The following ETV6 variants were observed in gnomAD, a reference collection of about 807,000 sequenced individuals.
The protein encoded by ETV6 is transcription factor ETV6.
Under a neutral mutation model 51.1 loss-of-function variants are expected in ETV6, and 16 were observed. The ratio of observed to expected loss-of-function variants is 0.31; its 90% CI spans 0.21 to 0.48. The LOEUF is 0.48. Among genes scored for constraint, ETV6 ranks in the 20% least tolerant of loss-of-function variants. The probability of loss-of-function intolerance (pLI) is 0.99; values close to 1 mark genes in which losing one functional copy is unlikely to be tolerated. For missense variants in ETV6, 458 were observed against 594.8 expected (o/e 0.77, Z 2.39); for synonymous variants, 240 against 224.1 (o/e 1.07, Z -0.64).
At chr12:11,877,794 A>G (rs1316845928) in intron 5 of ETV6, among the ~76,000 whole-genome samples, 1 of 152,184 alleles carries the variant, frequency 6.6e-6, no homozygotes, top group Admixed American at 6.5e-5. Context: ...TTCTTTCCTT[A>G]TCTGTAATAT....
chr12:11,865,321 C>T (rs1051634060), intron 4 of ETV6, among the ~76,000 whole-genome samples: 1 of 151,464 alleles, frequency 6.6e-6, no homozygotes, highest in Non-Finnish European at 1.5e-5. Context: ...ATAGAACCAT[C>T]ATATCACTTG....
At chr12:11,887,762 A>G (rs996750164) in intron 7 of ETV6, among the ~76,000 whole-genome samples, 4 of 151,698 alleles carry the variant, frequency 2.6e-5, no homozygotes, top group Non-Finnish European at 5.9e-5. Flanking sequence ...AAAAAAAAAA[A>G]AAAGAAAAGA....
At chr12:11,660,152 G>A (rs1864073565) in intron 1 of ETV6, among the ~76,000 whole-genome samples, 1 of 152,112 alleles carries the variant, frequency 6.6e-6, no homozygotes, top group African/African-American at 2.4e-5. Flanking sequence ...ATATCAAAAT[G>A]TCACATGTAC....
At chr12:11,742,902 G>GAAA (rs1270796357) in intron 1 of ETV6, among the ~76,000 whole-genome samples, 2 of 150,644 alleles carry the variant, frequency 1.3e-5, no homozygotes, top group African/African-American at 4.9e-5. Context: ...AACCTCCTGG[G>GAAA]CTCAAGTGAT....
intron 1 of ETV6, among the ~76,000 whole-genome samples, chr12:11,661,091 G>A (rs1864094024): frequency 2.0e-5 from 3 of 152,204 alleles, no homozygotes; most frequent in Admixed American, 2.0e-4. Flanking sequence ...CTGGGCTCAA[G>A]TGATCCTCCT....
At chr12:11,881,859 G>A (rs961921291) in intron 5 of ETV6, among the ~76,000 whole-genome samples, 4 of 152,184 alleles carry the variant, frequency 2.6e-5, no homozygotes, top group Non-Finnish European at 2.9e-5. Context: ...CCTGTAAAAC[G>A]AGCTAGATTA....
At chr12:11,722,359 CTG>C (rs1487804025) in intron 1 of ETV6, among the ~76,000 whole-genome samples, 1 of 152,198 alleles carries the variant, frequency 6.6e-6, no homozygotes, top group Non-Finnish European at 1.5e-5. Context: ...AATCCACAAA[CTG>C]TAATCGCTTT....
At chr12:11,876,310 T>A (rs1424454662) in intron 5 of ETV6, among the ~76,000 whole-genome samples, 4 of 152,216 alleles carry the variant, frequency 2.6e-5, no homozygotes, top group Non-Finnish European at 5.9e-5. Context: ...TTATTGCCAG[T>A]CTGCTCATGT....
chr12:11,681,052 A>C (rs111625209), intron 1 of ETV6, among the ~76,000 whole-genome samples: 243 of 152,280 alleles, frequency 1.6e-3, no homozygotes, highest in Middle Eastern at 0.01. Flanking sequence ...GCCATTTTCT[A>C]TGGAAGCCTC....
At chr12:11,728,650 G>T (rs1486315839) in intron 1 of ETV6, among the ~76,000 whole-genome samples, 1 of 152,026 alleles carries the variant, frequency 6.6e-6, no homozygotes, top group East Asian at 1.9e-4. Context: ...AAAAAAAAAG[G>T]TCCATTTACT....
Position 11,869,485 on chromosome 12 carries a change from C to A in ETV6, c.525C>A (p.Thr175=). The change falls in exon 5 of 8, where the codon ACC becomes ACA. Residue 175 remains threonine, a synonymous_variant. Coordinates refer to ENST00000396373, the MANE Select transcript of ETV6 (RefSeq NM_001987.5). The surrounding 1 kb of genome is among the most constrained non-coding windows in gnomAD (Gnocchi z 5.0). ...SVDNVHHNPP[T]IELLHRSRSP... ...ATAATGTGCACCATAACCCTCCCACCATTGAACTGTTGCACCGCTCCAGGT... is the reference window on the plus strand; with the variant it reads ...ATAATGTGCACCATAACCCTCCCACAATTGAACTGTTGCACCGCTCCAGGT... 1 of 1,614,106 alleles carries A rather than the reference C, an allele frequency of 6.2e-7. No homozygotes were observed. The highest frequency in any genetic ancestry group is 2.2e-5 in the East Asian group (1 of 44,874).
chr12:11,803,147 C>G (rs192784049), intron 2 of ETV6, among the ~76,000 whole-genome samples: 1 of 152,262 alleles, frequency 6.6e-6, no homozygotes, highest in Admixed American at 6.5e-5. Context: ...AAATTTCTGC[C>G]CCAGCTTGGT....
intron 2 of ETV6, among the ~76,000 whole-genome samples, chr12:11,795,493 G>A (rs1469113573): frequency 6.6e-6 from 1 of 152,238 alleles, no homozygotes; most frequent in African/African-American, 2.4e-5. Flanking sequence ...AACAATTTCA[G>A]TCATCATTGG....
intron 2 of ETV6, among the ~76,000 whole-genome samples, chr12:11,809,472 A>G (rs1301718616): frequency 2.0e-5 from 3 of 152,242 alleles, no homozygotes; most frequent in Non-Finnish European, 4.4e-5. Flanking sequence ...TGGATAGTCC[A>G]GAATAATGGA....
intron 2 of ETV6, among the ~76,000 whole-genome samples, chr12:11,796,910 C>G (rs899107071): frequency 2.0e-5 from 3 of 152,058 alleles, no homozygotes; most frequent in African/African-American, 4.8e-5. Context: ...CCTGAGCTTC[C>G]CATGTATGTG....
intron 5 of ETV6, among the ~76,000 whole-genome samples, chr12:11,870,796 G>A (rs1428846840): frequency 1.3e-5 from 2 of 152,224 alleles, no homozygotes; most frequent in African/African-American, 4.8e-5. Flanking sequence ...TATAGTGGGA[G>A]AGACAAAGGT....
At chr12:11,778,707 C>A (rs1945370512) in intron 2 of ETV6, among the ~76,000 whole-genome samples, 1 of 152,074 alleles carries the variant, frequency 6.6e-6, no homozygotes, top group Non-Finnish European at 1.5e-5. Context: ...AAAAAAAAAT[C>A]ACTCTTCTTT....
chr12:11,750,095 T>A (rs955616183), intron 1 of ETV6, among the ~76,000 whole-genome samples: 1 of 152,148 alleles, frequency 6.6e-6, no homozygotes, highest in Non-Finnish European at 1.5e-5. Flanking sequence ...CTAAAATTGT[T>A]TGGACGGGGT....
intron 1 of ETV6, among the ~76,000 whole-genome samples, chr12:11,702,957 T>C (rs1322766526): frequency 2.6e-5 from 4 of 152,064 alleles, no homozygotes; most frequent in African/African-American, 4.8e-5. Flanking sequence ...AATACAAAAA[T>C]TAGCTGGGCG....
Sources: gnomAD v4.1 joint callset for allele counts (sites outside exome capture counted in the v4.1 genomes callset) on GRCh38, gnomAD v4.1.1 for gene constraint, Gnocchi (gnomAD v3.1) non-coding constraint, MANE v1.5 for transcripts, NCBI Gene and HGNC (gene_info 2026-07-23, HGNC 2026-07-21) for gene names.